CDC42BPA: variants seen among roughly 807,000 people sequenced by gnomAD.
CDC42BPA encodes serine/threonine-protein kinase MRCK alpha.
Under a neutral mutation model 223.5 loss-of-function variants are expected in CDC42BPA, and 80 were observed. The ratio of observed to expected loss-of-function variants is 0.36; its 90% CI spans 0.30 to 0.43. The LOEUF (loss-of-function observed/expected upper bound fraction) is 0.43, where lower values mean the gene tolerates loss of function less well. Ranked by LOEUF, CDC42BPA falls within the 20% of genes least tolerant of loss-of-function variation. The probability of loss-of-function intolerance (pLI) is 1.00; values close to 1 mark genes in which losing one functional copy is unlikely to be tolerated. For missense variants in CDC42BPA, 1,743 were observed against 2,099.9 expected, an observed-to-expected ratio of 0.83 and a Z score of 3.32; for synonymous variants, 694 against 718.6, an observed-to-expected ratio of 0.97 and a Z score of 0.55.
intron 2 of CDC42BPA, among the ~76,000 whole-genome samples, chr1:227,239,230 T>TA (rs1233978721): frequency 2.6e-5 from 4 of 152,062 alleles, no homozygotes; most frequent in East Asian, 1.9e-4. Context: ...ATGGAGATTA[T>TA]AAAAAAAGAC....
chr1:227,101,432 C>A (rs1338038639), intron 14 of CDC42BPA, among the ~76,000 whole-genome samples, 193 bp from the exon 15 acceptor site: 1 of 152,008 alleles, frequency 6.6e-6, no homozygotes, highest in Non-Finnish European at 1.5e-5. Context: ...GTTTACATTC[C>A]TTAATAGTCT....
chr1:227,260,393 G>A (rs1424863516), intron 1 of CDC42BPA, among the ~76,000 whole-genome samples: 1 of 150,966 alleles, frequency 6.6e-6, no homozygotes, highest in Admixed American at 6.6e-5. Context: ...CAAAATGCCT[G>A]GTATACCTTG....
At chr1:227,280,090 C>T (rs2148559710) in intron 1 of CDC42BPA, among the ~76,000 whole-genome samples, 1 of 152,050 alleles carries the variant, frequency 6.6e-6, no homozygotes, top group East Asian at 1.9e-4. Context: ...AAGTACTGTA[C>T]TAAATGGAAT....
intron 14 of CDC42BPA, among the ~76,000 whole-genome samples, chr1:227,106,323 T>C (rs693735): frequency 0.13 from 19,647 of 152,188 alleles, 1,344 homozygotes; most frequent in East Asian, 0.26. Flanking sequence ...GTTCTTCATA[T>C]AATCTGGATA....
intron 21 of CDC42BPA, among the ~76,000 whole-genome samples, chr1:227,060,117 C>T (rs913820625): frequency 2.7e-5 from 4 of 148,762 alleles, no homozygotes; most frequent in African/African-American, 9.9e-5. Flanking sequence ...CTGCAAGCTC[C>T]ACCTCCTGGG....
chr1:227,063,825 C>T (rs1676434803), intron 21 of CDC42BPA, among the ~76,000 whole-genome samples: 1 of 152,130 alleles, frequency 6.6e-6, no homozygotes, highest in African/African-American at 2.4e-5. Context: ...AACTATGCTG[C>T]CAAGCCTCAG....
intron 14 of CDC42BPA, among the ~76,000 whole-genome samples, chr1:227,102,446 T>C (rs921744708): frequency 6.6e-6 from 1 of 152,160 alleles, no homozygotes; most frequent in African/African-American, 2.4e-5. Flanking sequence ...GAGAACTAAA[T>C]TGACATCTGT....
chr1:227,014,798 C>T (rs1449025698), intron 34 of CDC42BPA, among the ~76,000 whole-genome samples: 10 of 152,106 alleles, frequency 6.6e-5, no homozygotes, highest in Admixed American at 6.6e-4. Context: ...GCAGCTATCA[C>T]TACCAATCAA....
chr1:227,155,209 AG>A (rs1186731318), intron 6 of CDC42BPA, among the ~76,000 whole-genome samples: 1 of 152,210 alleles, frequency 6.6e-6, no homozygotes, highest in Non-Finnish European at 1.5e-5. Flanking sequence ...AGATATAGAG[AG>A]AAAGGCTGTA....
At chr1:227,251,433 G>GT (rs1273205690) in intron 2 of CDC42BPA, among the ~76,000 whole-genome samples, 1 of 151,976 alleles carries the variant, frequency 6.6e-6, no homozygotes, top group Non-Finnish European at 1.5e-5. Context: ...AAAACAAGTA[G>GT]TAACATCATT....
At position 227,069,794 on chromosome 1, in the gene CDC42BPA, C is replaced by T; in HGVS notation, c.2887G>A (p.Ala963Thr). 6.2e-7 allele frequency: 1 copy of T among 1,609,860 alleles called. No individual in the cohort carries two copies. Among genetic ancestry groups the T allele is most frequent in the Non-Finnish European group, 8.5e-7 (1 of 1,176,650 alleles). Reference protein sequence around the residue: ...FLAFLNTPTDALDQFETDPVE... With the variant: ...FLAFLNTPTDTLDQFETDPVE... ...ATACTTACTTCAAATTGATCCAGAGCATCGGTAGGCGTATTCAAAAATGCC... is the reference window on the plus strand; with the variant it reads ...ATACTTACTTCAAATTGATCCAGAGTATCGGTAGGCGTATTCAAAAATGCC... The change falls in exon 21 of 37, where the codon GCT becomes ACT. Residue 963 changes from alanine to threonine, a missense_variant. Ala to Thr is a moderately conservative substitution (Grantham distance 58). Transcript: ENST00000366766.
Position 227,193,699 on chromosome 1 carries a change from T to G in CDC42BPA, c.599+87A>C. The G allele has an allele frequency of 2.8e-6, 3 of 1,090,690 alleles. No homozygotes were observed. The South Asian group carries it at 5.7e-5, about 21-fold the overall frequency. The allele number at this position is 1,090,690 out of a possible 1,614,324, so 67.6% of individuals were successfully genotyped here. On this transcript the variant is annotated intron_variant, in intron 5 of 36. Coordinates refer to ENST00000366766, the MANE Select transcript of CDC42BPA (RefSeq NM_001394014.1). ...TTGACGATAAATGTATCCAAGACCATAATTAATAAATCTGGCAAGAAATAG... is the reference window on the plus strand; with the variant it reads ...TTGACGATAAATGTATCCAAGACCAGAATTAATAAATCTGGCAAGAAATAG...
intron 32 of CDC42BPA, among the ~76,000 whole-genome samples, chr1:227,019,559 G>A (rs1666978514): frequency 6.6e-6 from 1 of 152,130 alleles, no homozygotes; most frequent in South Asian, 2.1e-4. Context: ...ATTCATCAGA[G>A]GAATAACTAT....
intron 35 of CDC42BPA, among the ~76,000 whole-genome samples, chr1:226,996,560 G>A (rs1326872201): frequency 6.6e-6 from 1 of 152,108 alleles, no homozygotes; most frequent in East Asian, 1.9e-4. Flanking sequence ...CAAAGGGAAT[G>A]CTTCCAGCTT....
At chr1:227,240,922 A>G (rs904991500) in intron 2 of CDC42BPA, among the ~76,000 whole-genome samples, 2 of 152,100 alleles carry the variant, frequency 1.3e-5, no homozygotes, top group Non-Finnish European at 2.9e-5. Context: ...GCTCTAAACG[A>G]TAATTTTTTT....
intron 15 of CDC42BPA, among the ~76,000 whole-genome samples, chr1:227,099,116 C>T (rs1028024307): frequency 6.6e-6 from 1 of 151,870 alleles, no homozygotes; most frequent in Non-Finnish European, 1.5e-5. Flanking sequence ...GTGCTGTCGG[C>T]AGTATAAAAG....
rs2148354211 is a variant in CDC42BPA, at chr1:227,260,294, C to G, written c.179-6139G>C. Among the ~76,000 whole-genome samples, 3 of 151,196 alleles carry G rather than the reference C, an allele frequency of 2.0e-5. No individual in the cohort carries two copies. In the South Asian group the frequency reaches 6.2e-4, roughly 31 times the overall value. The stretch of plus-strand genomic sequence containing the variant: ...AACAAAGTATGTTTCTATGTGAGTT[C>G]CTAAAACACTGCCTGGGGTTCATTG... On this transcript the variant is annotated intron_variant, in intron 1 of 36. Coordinates refer to ENST00000366766, the MANE Select transcript of CDC42BPA (RefSeq NM_001394014.1).
chr1:227,212,093 T>C (rs1338195056), intron 3 of CDC42BPA, among the ~76,000 whole-genome samples: 1 of 150,150 alleles, frequency 6.7e-6, no homozygotes, highest in Non-Finnish European at 1.5e-5. Flanking sequence ...TGTTTGTTTG[T>C]TTTTTTTAGT....
At chr1:227,009,374 A>G (rs1254261744) in intron 34 of CDC42BPA, among the ~76,000 whole-genome samples, 1 of 152,174 alleles carries the variant, frequency 6.6e-6, no homozygotes, top group Non-Finnish European at 1.5e-5. Flanking sequence ...ATGACTAACT[A>G]AAGCAACATT....
Sources: gnomAD v4.1 joint callset for allele counts (sites outside exome capture counted in the v4.1 genomes callset) on GRCh38, gnomAD v4.1.1 for gene constraint, MANE v1.5 for transcripts, NCBI Gene and HGNC (gene_info 2026-07-23, HGNC 2026-07-21) for gene names.